The following GET4 variants were observed in gnomAD, a reference collection of about 807,000 sequenced individuals.
GET4 encodes guided entry of tail-anchored proteins factor 4.
Under a neutral mutation model 40.0 loss-of-function variants are expected in GET4, and 20 were observed. The observed-to-expected ratio is 0.50, with a 90% CI of 0.35 to 0.73. The LOEUF (loss-of-function observed/expected upper bound fraction) is 0.73. Among genes scored for constraint, GET4 ranks in the 30% least tolerant of loss-of-function variants. GET4 has a pLI of 0.01. For synonymous variants in GET4, 280 were observed against 194.6 expected (o/e 1.44, Z -3.65); for missense variants, 557 against 454.0 (o/e 1.23, Z -2.06).
intron 3 of GET4, 39 bp from the exon 4 acceptor site, chr7:887,331 G>T (rs1348640187): frequency 6.4e-7 from 1 of 1,560,296 alleles, no homozygotes; most frequent in Admixed American, 1.8e-5. Flanking sequence ...AGCCGGAGTG[G>T]CCGTGCGTTC....
rs555430626 is a variant in GET4, at chr7:892,858, G to T, written c.746+440G>T. On this transcript the variant is annotated intron_variant, in intron 6 of 8. Coordinates refer to ENST00000265857, the MANE Select transcript of GET4 (RefSeq NM_015949.3). ...TTGCGTGTCTGGTGTGGGTAGTTGG[G>T]GTGCGTGCAGGTATGTGTGTTGTGT... is the stretch of plus-strand genomic sequence containing the variant. Among the ~76,000 whole-genome samples the T allele has an allele frequency of 3.9e-4, 59 of 151,608 alleles. 1 individual carries two copies. The highest frequency in any genetic ancestry group is 3.4e-3 in the Middle Eastern group (1 of 294).
intron 8 of GET4, 97 bp downstream of exon 8, chr7:894,068 A>T: frequency 1.5e-6 from 1 of 673,238 alleles, no homozygotes. Context: ...CTTCACGTGG[A>T]AGTGGTTTTC....
At chr7:893,708 ACCCAGCACAT>A (rs1844397567) in intron 6 of GET4, 22 bp from the exon 7 acceptor site, 1 of 1,471,176 alleles carries the variant, frequency 6.8e-7, no homozygotes, top group Non-Finnish European at 9.4e-7. Flanking sequence ...TGTTCTGCTC[ACCCAGCACAT>A]CCCTGTGTGT....
intron 1 of GET4, among the ~76,000 whole-genome samples, chr7:877,231 CCTT>C (rs1478696398): frequency 7.6e-5 from 11 of 144,972 alleles, no homozygotes; most frequent in African/African-American, 1.0e-4. Context: ...CTGGCCTTCT[CCTT>C]CTTCCTTTGC....
rs1455845180 is a variant in GET4 at position 892,318 on chromosome 7, T to C, written c.646T>C (p.Phe216Leu). 1.3e-6 allele frequency: 2 copies of C among 1,594,416 alleles called. No homozygotes were observed. The highest frequency in any genetic ancestry group is 1.7e-6 in the Non-Finnish European group (2 of 1,163,374). ...AAACAAAAGTAGCGCATCGGTGGTC[T>C]TCACGACGTACACCCAGAAGCACCC... ...LKNKSSASVV[F>L]TTYTQKHPSI... Residue 216 changes from phenylalanine to leucine, a missense_variant, in exon 6 of 9, where the codon TTC (phenylalanine) becomes CTC (leucine). Transcript: ENST00000265857.
chr7:880,436 G>A (rs928333775), intron 1 of GET4: 1 of 152,104 alleles, frequency 6.6e-6, no homozygotes, highest in Non-Finnish European at 1.5e-5. Context: ...CTTCTACGGT[G>A]ACGAGGGATT....
chr7:892,444 AGGGGGCTGT>A, intron 6 of GET4, 26 bp downstream of exon 6: 1 of 1,576,988 alleles, frequency 6.3e-7, no homozygotes, highest in South Asian at 1.1e-5. Context: ...CTGCAGGGGG[AGGGGGCTGT>A]GAATGTGCGG....
intron 6 of GET4, 38 bp from the exon 7 acceptor site, chr7:893,702 C>T (rs761387350): frequency 2.9e-5 from 41 of 1,407,438 alleles, no homozygotes; most frequent in Middle Eastern, 1.9e-4. Flanking sequence ...TGGTCCTGTT[C>T]TGCTCACCCA....
chr7:878,107 C>G (rs552285704), intron 1 of GET4: 1 of 333,782 alleles, frequency 3.0e-6, no homozygotes, highest in East Asian at 7.9e-5. Flanking sequence ...CGAACCGAGT[C>G]AGCCGCCTCT....
In GET4 at chr7:891,061, G is replaced by T; in HGVS notation, c.600G>T (p.Val200=). ...SEVDMFVAQA[V]LQFLCLKNKS... is the part of the protein sequence containing the mutation. ...TGGACATGTTCGTGGCCCAGGCCGT[G>T]CTACAGTAGGTGTCTGTGGCTCTTC... The change falls in exon 5 of 9, where the codon GTG becomes GTT. Residue 200 remains valine (V), a synonymous_variant. Coordinates refer to ENST00000265857, the MANE Select transcript of GET4 (RefSeq NM_015949.3). 1.9e-6 allele frequency: 3 copies of T among 1,598,888 alleles called. No homozygotes were observed. Among genetic ancestry groups the T allele is most frequent in the Non-Finnish European group, 2.6e-6 (3 of 1,169,712 alleles).
At chr7:887,095 C>A in intron 3 of GET4, 1 of 640,928 alleles carries the variant, frequency 1.6e-6, no homozygotes, top group Non-Finnish European at 2.9e-6. Context: ...AGAGCGGCCA[C>A]AGCTGTTCCT....
intron 3 of GET4, 52 bp from the exon 4 acceptor site, chr7:887,318 G>C (rs1285464077): frequency 6.5e-7 from 1 of 1,542,658 alleles, no homozygotes; most frequent in Non-Finnish European, 8.9e-7. Context: ...ATGTGGGACA[G>C]AGAGCCGGAG....
At chr7:884,538 G>C in intron 1 of GET4, 1 of 363,516 alleles carries the variant, frequency 2.8e-6, no homozygotes, top group South Asian at 2.2e-5. Context: ...CCTCTGTGCA[G>C]CACGAAGCGG....
chr7:879,726 C>T (rs572719526), intron 1 of GET4: 2 of 152,360 alleles, frequency 1.3e-5, no homozygotes, highest in South Asian at 2.1e-4. Flanking sequence ...AAGAGATTCG[C>T]GTTCCTCCTT....
rs751181659 is a variant in GET4, at chr7:893,727, G to C, written c.747-13G>C. On this transcript the variant is annotated splice_polypyrimidine_tract_variant and intron_variant, in intron 6 of 8. Transcript: ENST00000265857. The stretch of plus-strand genomic sequence containing the variant: ...CTGCTCACCCAGCACATCCCTGTGT[G>C]TCTCTGTCCCAGTGGGAAGCTGACG... 3.8e-6 allele frequency: 6 copies of C among 1,579,412 alleles called. No homozygotes were observed. The highest frequency in any genetic ancestry group is 3.4e-5 in the South Asian group (3 of 89,152).
At chr7:885,880 C>T in intron 1 of GET4, 176 bp from the exon 2 acceptor site, 2 of 604,728 alleles carry the variant, frequency 3.3e-6, no homozygotes, top group East Asian at 2.7e-5. Context: ...CCCTCATGGT[C>T]AGCAGGACAC....
chr7:894,128 G>T (rs1343810400), intron 8 of GET4, among the ~76,000 whole-genome samples, 157 bp downstream of exon 8: 1 of 152,208 alleles, frequency 6.6e-6, no homozygotes, highest in African/African-American at 2.4e-5. Context: ...GAAATTATTA[G>T]ATTTCAGAGT....
chr7:892,227 C>T (rs1447269767), intron 5 of GET4, 51 bp from the exon 6 acceptor site: 5 of 1,572,790 alleles, frequency 3.2e-6, no homozygotes, highest in African/African-American at 1.3e-5. Flanking sequence ...CCTGTGCGGG[C>T]AGAAGCTGTG....
At chr7:879,636 C>G (rs541977312) in intron 1 of GET4, among the ~76,000 whole-genome samples, 5 of 152,186 alleles carry the variant, frequency 3.3e-5, no homozygotes, top group African/African-American at 4.8e-5. Context: ...AAATACACAC[C>G]AGCCAGGCTA....
Sources: allele counts gnomAD v4.1 joint callset (sites outside exome capture counted in the v4.1 genomes callset), GRCh38; gene constraint gnomAD v4.1.1; transcripts MANE v1.5; gene names NCBI Gene and HGNC (gene_info 2026-07-23, HGNC 2026-07-21).